The following KLF3 variants were observed in gnomAD, a reference collection of about 807,000 sequenced individuals.
The protein encoded by KLF3 is KLF transcription factor 3.
Under a neutral mutation model 32.7 loss-of-function variants are expected in KLF3, and 6 were observed. The observed-to-expected ratio is 0.18, with a 90% confidence interval of 0.10 to 0.36. The LOEUF (loss-of-function observed/expected upper bound fraction) is 0.36. KLF3 is among the 10% of genes least tolerant of loss of function. The pLI is 1.00. For synonymous variants in KLF3, 145 were observed against 172.8 expected (o/e 0.84, Z 1.26); for missense variants, 338 against 449.7 (o/e 0.75, Z 2.25).
At chr4:38,689,217 C>A in intron 3 of KLF3, 146 bp downstream of exon 3, 1 of 1,012,038 alleles carries the variant, frequency 9.9e-7, no homozygotes, top group Non-Finnish European at 1.4e-6. Flanking sequence ...CCTTCCCCCG[C>A]CCCCCCAAAG....
chr4:38,680,233 A>G (rs1722478067), intron 1 of KLF3, among the ~76,000 whole-genome samples: 1 of 150,734 alleles, frequency 6.6e-6, no homozygotes, highest in South Asian at 2.1e-4. Flanking sequence ...TTTTTTTTTG[A>G]GGTAGTGCCT....
At chr4:38,691,196 T>A (rs927413810) in intron 4 of KLF3, among the ~76,000 whole-genome samples, 1 of 152,188 alleles carries the variant, frequency 6.6e-6, no homozygotes, top group Non-Finnish European at 1.5e-5. Context: ...AGACATTAGA[T>A]AACTCGCCAA....
chr4:38,689,980 C>G (rs1722828705), intron 4 of KLF3, 101 bp downstream of exon 4: 1 of 1,223,624 alleles, frequency 8.2e-7, no homozygotes, highest in South Asian at 1.6e-5. Flanking sequence ...GTGTGGATGA[C>G]CAGGAACGGC....
At chr4:38,689,259 GCTGT>G (rs543512283) in intron 3 of KLF3, among the ~76,000 whole-genome samples, 188 bp downstream of exon 3, 56 of 152,244 alleles carry the variant, frequency 3.7e-4, no homozygotes, top group Admixed American at 8.5e-4. Context: ...CAAGAATCAG[GCTGT>G]CTGTTTGATA....
At chr4:38,680,026 C>A (rs1722471910) in intron 1 of KLF3, among the ~76,000 whole-genome samples, 1 of 152,072 alleles carries the variant, frequency 6.6e-6, no homozygotes, top group South Asian at 2.1e-4. Flanking sequence ...CCAGAAAAGT[C>A]AGGGTTTCTG....
In KLF3 at chr4:38,697,220, C is replaced by T; in HGVS notation, c.995C>T (p.Ser332Phe). The change falls in exon 6 of 6, where the codon TCT (serine) becomes TTT (phenylalanine). Residue 332 changes from serine (S) to phenylalanine (F), a missense_variant. Ser to Phe is a radical substitution (Grantham distance 155). Transcript: ENST00000261438. Reference sequence around the variant, plus strand: ...GACTGTGACCGCAGCTTCTCCCGTTCTGACCATCTTGCCCTCCATAGGAAA... The same window carrying T: ...GACTGTGACCGCAGCTTCTCCCGTTTTGACCATCTTGCCCTCCATAGGAAA... ...CPDCDRSFSR[S>F]DHLALHRKRH... 6.2e-7 allele frequency: 1 copy of T among 1,614,000 alleles called. No individual in the cohort carries two copies. The highest frequency in any genetic ancestry group is 1.1e-5 in the South Asian group (1 of 91,062).
intron 5 of KLF3, among the ~76,000 whole-genome samples, chr4:38,695,644 G>A (rs1723026815): frequency 6.6e-6 from 1 of 152,190 alleles, no homozygotes; most frequent in African/African-American, 2.4e-5. Context: ...GGTGGAAGCA[G>A]GAGGATTGTT....
chr4:38,664,276 G>A lies in KLF3; in HGVS notation c.-225G>A, dbSNP rs1252164688. The A allele has an allele frequency of 2.6e-5, 4 of 152,014 alleles. No individual in the cohort carries two copies. The highest frequency in any genetic ancestry group is 4.1e-4 in the South Asian group (2 of 4,838). The allele number at this position is 152,014 out of a possible 1,614,324, so 9.4% of individuals were successfully genotyped here. On this transcript the variant is annotated 5_prime_UTR_variant, in exon 1 of 6. Transcript: ENST00000261438. The stretch of plus-strand genomic sequence containing the variant: ...AGAGGGGAGCCAGGAGCGGAGCCGC[G>A]CGGAGCCGGGGCCCGAGCCGGAGCG...
rs1023470146 is a variant in KLF3 at position 38,671,301 on chromosome 4, C to T, written c.-40+6840C>T. Among the ~76,000 whole-genome samples, 3 of 152,324 alleles carry T rather than the reference C, an allele frequency of 2.0e-5. No homozygotes were observed. The highest frequency in any genetic ancestry group is 6.5e-5 in the Admixed American group (1 of 15,300). On this transcript the variant is annotated intron_variant, in intron 1 of 5. Coordinates refer to ENST00000261438, the MANE Select transcript of KLF3 (RefSeq NM_016531.6). This position sits in a 1 kb window ranked among gnomAD's most constrained non-coding sequence, Gnocchi z 4.4. Reference sequence around the variant, plus strand: ...TTTGTGCAGTTATTATGAGGATTTCCGTATTTACTTGGGTCAAGCTGCCAA... The same window carrying T: ...TTTGTGCAGTTATTATGAGGATTTCTGTATTTACTTGGGTCAAGCTGCCAA...
Position 38,699,269 on chromosome 4 carries a change from T to C in KLF3, c.*2006T>C, listed in dbSNP as rs1723137346. 1 of 151,672 alleles carries C rather than the reference T, an allele frequency of 6.6e-6. No homozygotes were observed. Among genetic ancestry groups the C allele is most frequent in the South Asian group, 2.1e-4 (1 of 4,790 alleles). The allele number at this position is 151,672 out of a possible 1,614,324, so 9.4% of individuals were successfully genotyped here. On this transcript the variant is annotated 3_prime_UTR_variant, in exon 6 of 6. Coordinates refer to ENST00000261438, the MANE Select transcript of KLF3 (RefSeq NM_016531.6). ...GTTTTTCAGCTAAAGGCAAAGATAA[T>C]TTTTTTTTCAGCTGAAGTTTTTCTT...
intron 2 of KLF3, among the ~76,000 whole-genome samples, chr4:38,685,809 T>G (rs1205421432): frequency 6.6e-6 from 1 of 152,200 alleles, no homozygotes; most frequent in Non-Finnish European, 1.5e-5. Context: ...ATAAAGCACA[T>G]TAGACTTTAG....
Position 38,700,861 on chromosome 4 carries a change from C to G in KLF3, c.*3598C>G, listed in dbSNP as rs1209160875. On this transcript the variant is annotated 3_prime_UTR_variant, in exon 6 of 6. Coordinates refer to ENST00000261438, the MANE Select transcript of KLF3 (RefSeq NM_016531.6). ...TGAAACATTTTGGTAATCTTTCTTA[C>G]TAAAGATGTGAATGTTTAATGTACC... The G allele has an allele frequency of 2.0e-5, 3 of 152,156 alleles. No individual in the cohort carries two copies. Among genetic ancestry groups the G allele is most frequent in the African/African-American group, 7.2e-5 (3 of 41,432 alleles). The allele number at this position is 152,156 out of a possible 1,614,324, so 9.4% of individuals were successfully genotyped here.
intron 5 of KLF3, among the ~76,000 whole-genome samples, chr4:38,695,243 A>G (rs906916949): frequency 1.6e-4 from 24 of 152,242 alleles, no homozygotes; most frequent in African/African-American, 5.1e-4. Flanking sequence ...CCTGTGAGCT[A>G]TTTCACATAC....
chr4:38,684,609 G>A (rs957981247), intron 2 of KLF3, among the ~76,000 whole-genome samples: 1 of 146,252 alleles, frequency 6.8e-6, no homozygotes, highest in Non-Finnish European at 1.5e-5. Context: ...TGCCCAGGCT[G>A]GAATGCAGTA....
At chr4:38,686,443 C>CAAAAA (rs61128677) in intron 2 of KLF3, among the ~76,000 whole-genome samples, 43 of 100,658 alleles carry the variant, frequency 4.3e-4, no homozygotes, top group East Asian at 2.1e-3. Flanking sequence ...GACCCTATCT[C>CAAAAA]AAAAAAAAAA....
At chr4:38,696,043 A>G (rs1385426847) in intron 5 of KLF3, among the ~76,000 whole-genome samples, 1 of 152,158 alleles carries the variant, frequency 6.6e-6, no homozygotes, top group African/African-American at 2.4e-5. Flanking sequence ...CCTTGTATCT[A>G]GAGCAACGCC....
intron 1 of KLF3, among the ~76,000 whole-genome samples, chr4:38,676,679 CAT>C (rs201968753): frequency 0.01 from 1,555 of 152,070 alleles, 22 homozygotes; most frequent in African/African-American, 0.035. Context: ...TGCTTGTAGA[CAT>C]GTGAAATAGT....
intron 1 of KLF3, among the ~76,000 whole-genome samples, chr4:38,678,565 C>T (rs9992667): frequency 0.18 from 27,209 of 152,072 alleles, 2,528 homozygotes; most frequent in Non-Finnish European, 0.21. Flanking sequence ...TGATGAAATT[C>T]GTGTGTTGTC....
At chr4:38,676,743 T>A (rs1317482306) in intron 1 of KLF3, among the ~76,000 whole-genome samples, 2 of 152,170 alleles carry the variant, frequency 1.3e-5, no homozygotes, top group Non-Finnish European at 2.9e-5. Flanking sequence ...ACTTTTTTTT[T>A]AATGTCCAGG....
Sources: allele counts gnomAD v4.1 joint callset (sites outside exome capture counted in the v4.1 genomes callset), GRCh38; gene constraint gnomAD v4.1.1; non-coding constraint Gnocchi (gnomAD v3.1); transcripts MANE v1.5; gene names NCBI Gene and HGNC (gene_info 2026-07-23, HGNC 2026-07-21).